Variants in KCNMA1 observed in about 807,000 individuals in gnomAD.
KCNMA1 encodes Calcium-activated potassium channel subunit alpha-1.
Under a neutral mutation model 140.0 loss-of-function variants are expected in KCNMA1, and 29 were observed. That is an observed-to-expected ratio of 0.21 (90% CI 0.15 to 0.28). The LOEUF (loss-of-function observed/expected upper bound fraction) is 0.28, where lower values mean the gene tolerates loss of function less well. Ranked by LOEUF, KCNMA1 falls within the 10% of genes least tolerant of loss-of-function variation. The probability of loss-of-function intolerance (pLI) is 1.00; values close to 1 mark genes in which losing one functional copy is unlikely to be tolerated. For missense variants in KCNMA1, 880 were observed against 1,602.2 expected (o/e 0.55, Z 7.70); for synonymous variants, 612 against 611.9 (o/e 1.00, Z 0.00).
chr10:76,932,642 A>C (rs1303410182), intron 23 of KCNMA1, among the ~76,000 whole-genome samples: 1 of 152,202 alleles, frequency 6.6e-6, no homozygotes, highest in African/African-American at 2.4e-5. Context: ...TGAGGAAATG[A>C]AATCTGGAAT....
At chr10:77,598,943 T>C (rs2081782000) in intron 1 of KCNMA1, among the ~76,000 whole-genome samples, 1 of 152,172 alleles carries the variant, frequency 6.6e-6, no homozygotes, top group South Asian at 2.1e-4. Flanking sequence ...AAGTAAGGTC[T>C]GAAGAAGGTG....
At chr10:77,021,326 C>G (rs530198698) in intron 16 of KCNMA1, among the ~76,000 whole-genome samples, 10 of 152,292 alleles carry the variant, frequency 6.6e-5, no homozygotes, top group African/African-American at 2.4e-4. Context: ...CGCTAGCTTA[C>G]AATGCCTCTA....
intron 2 of KCNMA1, among the ~76,000 whole-genome samples, chr10:77,294,433 C>T (rs1475085713): frequency 6.6e-6 from 1 of 152,184 alleles, no homozygotes; most frequent in East Asian, 1.9e-4. Flanking sequence ...GGTCTCTAAG[C>T]ATATGTTCAT....
chr10:77,539,350 A>T (rs1475035094), intron 1 of KCNMA1, among the ~76,000 whole-genome samples: 1 of 152,224 alleles, frequency 6.6e-6, no homozygotes, highest in African/African-American at 2.4e-5. Context: ...GTCATCTCCC[A>T]ACAACGTATC....
intron 6 of KCNMA1, among the ~76,000 whole-genome samples, chr10:77,115,347 C>T (rs2097431843): frequency 6.6e-6 from 1 of 152,014 alleles, no homozygotes; most frequent in African/African-American, 2.4e-5. Context: ...TTTATTGAGC[C>T]CTTATTATGT....
intron 1 of KCNMA1, among the ~76,000 whole-genome samples, chr10:77,458,944 T>C (rs2097803884): frequency 6.6e-6 from 1 of 152,200 alleles, no homozygotes; most frequent in African/African-American, 2.4e-5. Flanking sequence ...AACATTTCCA[T>C]CATTACAGAA....
chr10:77,215,801 T>A (rs1291848454), intron 3 of KCNMA1, among the ~76,000 whole-genome samples: 1 of 151,710 alleles, frequency 6.6e-6, no homozygotes, highest in African/African-American at 2.4e-5. Context: ...ATCATAAGAG[T>A]GGGGCCTTAT....
chr10:77,235,345 T>C lies in KCNMA1; in HGVS notation c.602+15850A>G, dbSNP rs141899295. On this transcript the variant is annotated intron_variant, in intron 3 of 27. Transcript: ENST00000286628. Reference sequence around the variant, plus strand: ...TCAGTGCTTTCTGGCTTTGACCTCATCAAGTTTTACAGAAAGGAAGTTAAA... The same window carrying C: ...TCAGTGCTTTCTGGCTTTGACCTCACCAAGTTTTACAGAAAGGAAGTTAAA... 6.8e-4 allele frequency among the ~76,000 whole-genome samples: 103 copies of C among 152,268 alleles called. 1 individual carries two copies. Among genetic ancestry groups the C allele is most frequent in the Middle Eastern group, 3.4e-3 (1 of 294 alleles).
chr10:77,327,523 T>C (rs1287454315), intron 2 of KCNMA1, among the ~76,000 whole-genome samples: 1 of 152,004 alleles, frequency 6.6e-6, no homozygotes, highest in Middle Eastern at 3.2e-3. Flanking sequence ...CCTGCTAATG[T>C]TTTATATTTT....
chr10:77,616,728 C>A (rs1206693693), intron 1 of KCNMA1, among the ~76,000 whole-genome samples: 1 of 151,956 alleles, frequency 6.6e-6, no homozygotes, highest in South Asian at 2.1e-4. Flanking sequence ...ATCACTTGAA[C>A]CTGATAGGTG....
intron 2 of KCNMA1, among the ~76,000 whole-genome samples, chr10:77,317,709 T>G: frequency 6.6e-6 from 1 of 152,244 alleles, no homozygotes; most frequent in East Asian, 1.9e-4. Flanking sequence ...GGATGCTTGT[T>G]GGCACAAGGC....
chr10:77,053,017 T>C (rs2095425928), intron 14 of KCNMA1, among the ~76,000 whole-genome samples: 1 of 152,178 alleles, frequency 6.6e-6, no homozygotes, highest in Non-Finnish European at 1.5e-5. Flanking sequence ...CTTTTCTATT[T>C]CTTGTTGCAT....
chr10:77,596,709 C>T (rs1433737762), intron 1 of KCNMA1, among the ~76,000 whole-genome samples: 1 of 152,144 alleles, frequency 6.6e-6, no homozygotes, highest in African/African-American at 2.4e-5. Context: ...TTATTTTAAA[C>T]ATATGGAAAA....
At position 77,183,461 on chromosome 10, in the gene KCNMA1, G is replaced by T. The variant is rs1411801457; in HGVS notation, c.768C>A (p.Pro256=). Residue 256 remains proline, a synonymous_variant, in exon 5 of 28, where the codon CCC becomes CCA. Coordinates refer to ENST00000286628, the MANE Select transcript of KCNMA1 (RefSeq NM_001161352.2). ...TTAAGTACACAGACACAAACACGGG[G>T]GGCACCGTGAAGAAATCCACTACAG... The part of the protein sequence containing the change: ...VNSVVDFFTV[P]PVFVSVYLNR... 1 of 1,613,850 alleles carries T rather than the reference G, an allele frequency of 6.2e-7. No homozygotes were observed. Among genetic ancestry groups the T allele is most frequent in the East Asian group, 2.2e-5 (1 of 44,790 alleles).
intron 1 of KCNMA1, among the ~76,000 whole-genome samples, chr10:77,476,366 C>T (rs2098278129): frequency 6.6e-6 from 1 of 152,132 alleles, no homozygotes; most frequent in Admixed American, 6.5e-5. Flanking sequence ...TCCAATCCAC[C>T]TCCCACTCCT....
At chr10:77,019,468 C>G (rs962621412) in intron 16 of KCNMA1, 29 of 252,404 alleles carry the variant, frequency 1.1e-4, no homozygotes, top group African/African-American at 5.6e-4. Flanking sequence ...AACACGGAAG[C>G]ATTATTGGCC....
intron 5 of KCNMA1, among the ~76,000 whole-genome samples, chr10:77,136,294 GATATT>G (rs1362312351): frequency 6.6e-6 from 1 of 152,106 alleles, no homozygotes; most frequent in Non-Finnish European, 1.5e-5. Context: ...TTCTTTATAG[GATATT>G]ATATATGCTC....
chr10:76,994,375 TAC>T (rs745454659), intron 19 of KCNMA1, among the ~76,000 whole-genome samples: 12 of 152,272 alleles, frequency 7.9e-5, no homozygotes, highest in South Asian at 2.1e-4. Flanking sequence ...CAACAACACA[TAC>T]ACACATCCTC....
At chr10:77,295,737 C>T (rs1474643278) in intron 2 of KCNMA1, among the ~76,000 whole-genome samples, 3 of 132,478 alleles carry the variant, frequency 2.3e-5, no homozygotes, top group Non-Finnish European at 4.7e-5. Flanking sequence ...GCCGAGATTG[C>T]GCCACTGCAG....
Sources: gnomAD v4.1 joint callset for allele counts (sites outside exome capture counted in the v4.1 genomes callset) on GRCh38, gnomAD v4.1.1 for gene constraint, MANE v1.5 for transcripts, NCBI Gene and HGNC (gene_info 2026-07-23, HGNC 2026-07-21) for gene names.